Variants in CTNNA3 observed in about 807,000 individuals in gnomAD.
CTNNA3 encodes the protein catenin alpha-3.
In CTNNA3, 76 loss-of-function variants were observed where a neutral mutation model predicts 95.7. The observed-to-expected ratio is 0.79, with a 90% CI of 0.66 to 0.96. The LOEUF is 0.96. CTNNA3 is among the 40% of genes least tolerant of loss of function. The pLI is 0.00. For missense variants in CTNNA3, 1,191 were observed against 1,089.8 expected (o/e 1.09, Z -1.31); for synonymous variants, 431 against 374.4 (o/e 1.15, Z -1.74).
intron 10 of CTNNA3, among the ~76,000 whole-genome samples, chr10:66,578,396 C>G (rs1026100905): frequency 6.6e-6 from 1 of 151,918 alleles, no homozygotes; most frequent in African/African-American, 2.4e-5. Flanking sequence ...TCTTATTTCA[C>G]TTCTCAAGGG....
intron 5 of CTNNA3, among the ~76,000 whole-genome samples, chr10:67,254,915 G>A (rs1328002336): frequency 1.3e-5 from 2 of 152,192 alleles, no homozygotes; most frequent in East Asian, 3.8e-4. Context: ...ATTGGTAAAT[G>A]ATGCATGACT....
At chr10:66,770,680 A>G (rs1840052243) in intron 8 of CTNNA3, among the ~76,000 whole-genome samples, 1 of 152,150 alleles carries the variant, frequency 6.6e-6, no homozygotes, top group Admixed American at 6.6e-5. Context: ...GAAAAGTCTA[A>G]AAAAGCCCCA....
chr10:66,598,966 A>G (rs1843820831), intron 10 of CTNNA3, among the ~76,000 whole-genome samples: 1 of 152,002 alleles, frequency 6.6e-6, no homozygotes, highest in African/African-American at 2.4e-5. Context: ...ACAAATCTAG[A>G]GGCATCACAC....
chr10:66,549,218 T>C (rs2132102355), intron 10 of CTNNA3, among the ~76,000 whole-genome samples: 1 of 152,010 alleles, frequency 6.6e-6, no homozygotes, highest in East Asian at 1.9e-4. Flanking sequence ...ATGCTCTCCA[T>C]CTCCTGACCT....
chr10:66,200,110 C>T (rs887862334), intron 13 of CTNNA3, among the ~76,000 whole-genome samples: 29 of 151,262 alleles, frequency 1.9e-4, no homozygotes, highest in African/African-American at 6.1e-4. Flanking sequence ...TGCACGCATA[C>T]ACACGCACAC....
chr10:67,184,937 T>G (rs561460235), intron 6 of CTNNA3, among the ~76,000 whole-genome samples: 1 of 152,302 alleles, frequency 6.6e-6, no homozygotes, highest in African/African-American at 2.4e-5. Flanking sequence ...GAGTTTATTT[T>G]GGTGGAAAAA....
rs1490640145 is a variant in CTNNA3, at chr10:66,927,779, A to G, written c.1048-152255T>C. Reference sequence around the variant, plus strand: ...CTGCAGCGCCTCAACCTGGATTCCAACAAGCTCACATTTATTGGTCAAGAG... The same window carrying G: ...CTGCAGCGCCTCAACCTGGATTCCAGCAAGCTCACATTTATTGGTCAAGAG... On this transcript the variant is annotated intron_variant, in intron 7 of 17. Transcript: ENST00000433211. The surrounding 1 kb of genome is among the most constrained non-coding windows in gnomAD (Gnocchi z 4.7). The G allele has an allele frequency of 6.2e-7, 1 of 1,614,246 alleles. No homozygotes were observed.
At chr10:66,278,840 C>G (rs904379704) in intron 13 of CTNNA3, among the ~76,000 whole-genome samples, 1 of 152,072 alleles carries the variant, frequency 6.6e-6, no homozygotes, top group Non-Finnish European at 1.5e-5. Context: ...GCCTTCTTTA[C>G]ACTTTTAATG....
At chr10:67,031,891 A>G (rs1233832451) in intron 7 of CTNNA3, among the ~76,000 whole-genome samples, 2 of 152,178 alleles carry the variant, frequency 1.3e-5, no homozygotes, top group Non-Finnish European at 2.9e-5. Context: ...GCTTATCCCC[A>G]TGCAATAATG....
chr10:66,196,458 T>A (rs113857482), intron 13 of CTNNA3, among the ~76,000 whole-genome samples: 279 of 152,260 alleles, frequency 1.8e-3, no homozygotes, highest in African/African-American at 6.2e-3. Flanking sequence ...CATCACGTCT[T>A]TAGGGAAGCC....
At chr10:66,591,123 T>C (rs978626706) in intron 10 of CTNNA3, among the ~76,000 whole-genome samples, 8 of 152,194 alleles carry the variant, frequency 5.3e-5, no homozygotes, top group Admixed American at 4.6e-4. Context: ...ACATCATCTG[T>C]ATCATTTTAA....
At chr10:65,985,090 CTTTA>C (rs893397338) in intron 16 of CTNNA3, among the ~76,000 whole-genome samples, 14 of 150,994 alleles carry the variant, frequency 9.3e-5, no homozygotes, top group African/African-American at 3.4e-4. Context: ...TATAATTAGT[CTTTA>C]TTTGTTTCTT....
At chr10:66,917,210 T>G (rs1846534652) in intron 7 of CTNNA3, among the ~76,000 whole-genome samples, 1 of 152,226 alleles carries the variant, frequency 6.6e-6, no homozygotes, top group Admixed American at 6.5e-5. Flanking sequence ...AAGTTAATTT[T>G]ATTTTTATTA....
chr10:66,527,280 T>G (rs1168117243), intron 10 of CTNNA3, among the ~76,000 whole-genome samples: 2 of 152,168 alleles, frequency 1.3e-5, no homozygotes, highest in African/African-American at 4.8e-5. Flanking sequence ...TTTATCTATA[T>G]GTCTGTATCA....
chr10:66,334,030 T>C (rs569999008), intron 12 of CTNNA3, among the ~76,000 whole-genome samples: 2 of 152,252 alleles, frequency 1.3e-5, no homozygotes, highest in South Asian at 4.1e-4. Flanking sequence ...AAGTCTGTTT[T>C]ATCAGAGACT....
chr10:66,136,980 C>T lies in CTNNA3; in HGVS notation c.1885-33731G>A, dbSNP rs373381033. 3.3e-5 allele frequency among the ~76,000 whole-genome samples: 5 copies of T among 152,154 alleles called. No homozygotes were observed. The East Asian group carries it at 5.8e-4, about 18-fold the overall frequency. The stretch of plus-strand genomic sequence containing the variant: ...GGGATTACAGGTGCGTGCCACCATG[C>T]CCAGCTATTTTTGTATTTTTTTAGT... On this transcript the variant is annotated intron_variant, in intron 13 of 17. Transcript: ENST00000433211.
intron 9 of CTNNA3, among the ~76,000 whole-genome samples, chr10:66,692,922 T>C (rs909583418): frequency 2.0e-5 from 3 of 152,162 alleles, no homozygotes; most frequent in Non-Finnish European, 4.4e-5. Context: ...TGAGAGATTT[T>C]GTCACCACCA....
intron 12 of CTNNA3, among the ~76,000 whole-genome samples, chr10:66,290,359 A>G (rs991561153): frequency 6.6e-6 from 1 of 152,044 alleles, no homozygotes; most frequent in Admixed American, 6.6e-5. Flanking sequence ...TGATTGTTTG[A>G]GGTCCAGGCA....
At chr10:66,194,307 T>C (rs10822745) in intron 13 of CTNNA3, among the ~76,000 whole-genome samples, 57,241 of 151,978 alleles carry the variant, frequency 0.38, 11,245 homozygotes, top group South Asian at 0.53. Flanking sequence ...AGGCTGGGTG[T>C]GGTGGCTTAC....
Sources: allele counts gnomAD v4.1 joint callset (sites outside exome capture counted in the v4.1 genomes callset), GRCh38; gene constraint gnomAD v4.1.1; non-coding constraint Gnocchi (gnomAD v3.1); transcripts MANE v1.5; gene names NCBI Gene and HGNC (gene_info 2026-07-23, HGNC 2026-07-21).